LRRC63: variants seen among roughly 807,000 people sequenced by gnomAD.
LRRC63 encodes the protein leucine-rich repeat-containing protein 63.
LRRC63 carries 40 observed loss-of-function variants against 49.5 expected under a neutral mutation model. The observed-to-expected ratio is 0.81, with a 90% CI of 0.63 to 1.05. The LOEUF is 1.05. Ranked by LOEUF, LRRC63 falls within the 50% of genes least tolerant of loss-of-function variation. The pLI is 0.00. For missense variants in LRRC63, 636 were observed against 663.1 expected (o/e 0.96, Z 0.45); for synonymous variants, 191 against 221.1 (o/e 0.86, Z 1.21).
intron 5 of LRRC63, among the ~76,000 whole-genome samples, chr13:46,240,733 T>C (rs988017988): frequency 2.6e-5 from 4 of 152,138 alleles, no homozygotes; most frequent in African/African-American, 9.6e-5. Flanking sequence ...CCATTCACAA[T>C]TGCCACATAA....
intron 5 of LRRC63, among the ~76,000 whole-genome samples, chr13:46,244,151 A>T (rs1294086619): frequency 2.0e-5 from 3 of 152,346 alleles, no homozygotes; most frequent in African/African-American, 7.2e-5. Flanking sequence ...AAATAAATAC[A>T]TTAATCATAT....
intron 5 of LRRC63, among the ~76,000 whole-genome samples, chr13:46,236,710 G>A (rs972960695): frequency 2.6e-5 from 4 of 152,116 alleles, no homozygotes; most frequent in Non-Finnish European, 4.4e-5. Flanking sequence ...ACATTAGACA[G>A]CAACTCAAAG....
chr13:46,213,115 T>C (rs991095215), exon 2 of LRRC63: 8 of 1,537,042 alleles, frequency 5.2e-6, no homozygotes, highest in Non-Finnish European at 7.0e-6. Context: ...AAAAAACCCA[T>C]ACAGGTATGT....
chr13:46,248,951 T>C (rs2047296674), intron 6 of LRRC63, among the ~76,000 whole-genome samples: 1 of 151,858 alleles, frequency 6.6e-6, no homozygotes, highest in South Asian at 2.1e-4. Context: ...TATTTTTGGC[T>C]ACAATAGAAT....
At chr13:46,234,775 CGTAA>C (rs2046859995) in intron 5 of LRRC63, among the ~76,000 whole-genome samples, 1 of 152,000 alleles carries the variant, frequency 6.6e-6, no homozygotes, top group Non-Finnish European at 1.5e-5. Flanking sequence ...AATTATGTAA[CGTAA>C]GTATTATAAT....
intron 9 of LRRC63, among the ~76,000 whole-genome samples, chr13:46,272,212 T>C (rs1331402660): frequency 1.3e-5 from 2 of 152,210 alleles, no homozygotes; most frequent in African/African-American, 2.4e-5. Flanking sequence ...TTTTCACTTA[T>C]TATTTTTGGA....
In LRRC63 at chr13:46,235,618, C is replaced by CAA. The variant is rs111284603; in HGVS notation, c.990+1277_990+1278dup. Reference sequence around the variant, plus strand: ...TTTTTAACAAAAATTATGGAATATGCAAAAAAAAATGCTTGTTCACAGAAG... The same window carrying CAA: ...TTTTTAACAAAAATTATGGAATATGCAAAAAAAAAAATGCTTGTTCACAGAAG... On this transcript the variant is annotated intron_variant, in intron 5 of 9. Coordinates refer to ENST00000595396, the Ensembl canonical transcript of LRRC63. Among the ~76,000 whole-genome samples the CAA allele has an allele frequency of 5.3e-5, 8 of 149,610 alleles. No homozygotes were observed. The South Asian group carries it at 1.7e-3, about 32-fold the overall frequency.
rs377103615 is a variant in LRRC63, at chr13:46,261,975, T to A, written c.1293T>A (p.Asn431Lys). 16 of 1,156,280 alleles carry A rather than the reference T, an allele frequency of 1.4e-5. No individual in the cohort carries two copies. The East Asian group carries it at 1.6e-4, about 11-fold the overall frequency. 71.6% of individuals were successfully genotyped at this position (1,156,280 alleles called of 1,614,324 possible). A position where few individuals can be genotyped will look rare whatever the true frequency, so the allele number is the denominator to read the frequency against. The change falls in exon 8 of 10, where the codon AAT becomes AAA. Residue 431 changes from asparagine to lysine, a missense_variant. By Grantham distance (94) the Asn-to-Lys change is moderately conservative (BLOSUM62 0). Transcript: ENST00000595396. Reference sequence around the variant, plus strand: ...ATAATGAACTTACTTTTATTCCAAATGAAATTCAGAAACTCAGGTATTTTG... The same window carrying A: ...ATAATGAACTTACTTTTATTCCAAAAGAAATTCAGAAACTCAGGTATTTTG...
At chr13:46,260,014 T>A (rs1319869368) in intron 7 of LRRC63, among the ~76,000 whole-genome samples, 1 of 152,232 alleles carries the variant, frequency 6.6e-6, no homozygotes. Context: ...GATTTGGTAC[T>A]GGTGGGACAT....
At chr13:46,239,982 G>T (rs1373895193) in intron 5 of LRRC63, among the ~76,000 whole-genome samples, 1 of 151,978 alleles carries the variant, frequency 6.6e-6, no homozygotes, top group Non-Finnish European at 1.5e-5. Flanking sequence ...CCATAAACTA[G>T]GTATTGAAGG....
chr13:46,258,291 G>A (rs1447123327), intron 7 of LRRC63, among the ~76,000 whole-genome samples: 1 of 150,866 alleles, frequency 6.6e-6, no homozygotes, highest in Non-Finnish European at 1.5e-5. Flanking sequence ...CACCATGCCT[G>A]GCTAATTTTT....
At chr13:46,228,852 T>G (rs1170383247) in intron 4 of LRRC63, 119 bp downstream of exon 4, 8 of 647,676 alleles carry the variant, frequency 1.2e-5, no homozygotes, top group Non-Finnish European at 1.9e-5. Flanking sequence ...CACACATATG[T>G]CTTACCTCAT....
exon 5 of LRRC63, chr13:46,234,279 CAAT>C: frequency 6.5e-7 from 1 of 1,550,214 alleles, no homozygotes; most frequent in South Asian, 1.2e-5. Context: ...CGATATGAAA[CAAT>C]AACAGCCATG....
chr13:46,228,959 G>C (rs796117704), intron 4 of LRRC63, among the ~76,000 whole-genome samples: 1 of 152,042 alleles, frequency 6.6e-6, no homozygotes. Flanking sequence ...TGATGCACTC[G>C]TAATCTGGGT....
chr13:46,239,884 G>T (rs1393471586), intron 5 of LRRC63, among the ~76,000 whole-genome samples: 1 of 152,088 alleles, frequency 6.6e-6, no homozygotes, highest in Non-Finnish European at 1.5e-5. Flanking sequence ...CACACAAATA[G>T]AACTAAAAAC....
At chr13:46,248,948 G>A (rs2047296266) in intron 6 of LRRC63, among the ~76,000 whole-genome samples, 1 of 151,558 alleles carries the variant, frequency 6.6e-6, no homozygotes, top group African/African-American at 2.4e-5. Context: ...GTCTATTTTT[G>A]GCTACAATAG....
intron 7 of LRRC63, among the ~76,000 whole-genome samples, chr13:46,256,316 G>T (rs1374646706): frequency 6.6e-6 from 1 of 152,186 alleles, no homozygotes; most frequent in Non-Finnish European, 1.5e-5. Context: ...CTGAATATAT[G>T]TGCCAACTTT....
Position 46,250,062 on chromosome 13 carries a change from G to A in LRRC63, c.1090-293G>A, listed in dbSNP as rs191865172. On this transcript the variant is annotated intron_variant, in intron 6 of 9. Transcript: ENST00000595396. ...TCCCTCATTATTCCGTGATTTCCTC[G>A]TATGAAACCGTGAGCTTGATCAGAA... 572 of 176,724 alleles carry A rather than the reference G, an allele frequency of 3.2e-3. 2 individuals are homozygous for A. Among genetic ancestry groups the A allele is most frequent in the Middle Eastern group, 0.016 (7 of 426 alleles). 10.9% of individuals were successfully genotyped at this position (176,724 alleles called of 1,614,324 possible).
At chr13:46,267,224 G>A (rs1472747533) in intron 9 of LRRC63, among the ~76,000 whole-genome samples, 1 of 152,148 alleles carries the variant, frequency 6.6e-6, no homozygotes, top group Non-Finnish European at 1.5e-5. Context: ...TGTCTCTATG[G>A]CTGTTGCATA....
Sources: gnomAD v4.1 joint callset for allele counts (sites outside exome capture counted in the v4.1 genomes callset) on GRCh38, gnomAD v4.1.1 for gene constraint, MANE v1.5 for transcripts, NCBI Gene and HGNC (gene_info 2026-07-23, HGNC 2026-07-21) for gene names.